CADM4: variants seen among roughly 807,000 people sequenced by gnomAD.
CADM4 encodes the protein TSLC1-like 2.
A neutral mutation model predicts 43.9 loss-of-function variants in CADM4; 13 were observed. The ratio of observed to expected loss-of-function variants is 0.30; its 90% CI spans 0.19 to 0.47. The LOEUF (loss-of-function observed/expected upper bound fraction) is 0.47. Ranked by LOEUF, CADM4 falls within the 20% of genes least tolerant of loss-of-function variation. The probability of loss-of-function intolerance (pLI) is 1.00; values close to 1 mark genes in which losing one functional copy is unlikely to be tolerated. For synonymous variants in CADM4, 209 were observed against 220.9 expected, an observed-to-expected ratio of 0.95 and a Z score of 0.48; for missense variants, 420 against 527.0, an observed-to-expected ratio of 0.80 and a Z score of 1.99.
intron 1 of CADM4, among the ~76,000 whole-genome samples, chr19:43,638,402 G>A (rs1251003141): frequency 6.6e-6 from 1 of 152,246 alleles, no homozygotes; most frequent in Non-Finnish European, 1.5e-5. Flanking sequence ...AGCCCAGGCC[G>A]CCAGCCCCAT....
At chr19:43,636,582 G>T (rs917916939) in intron 1 of CADM4, among the ~76,000 whole-genome samples, 2 of 152,102 alleles carry the variant, frequency 1.3e-5, no homozygotes, top group African/African-American at 4.8e-5. Flanking sequence ...ATGCTGGCGG[G>T]TCTGACTGTC....
chr19:43,635,400 C>G (rs1222296241), intron 1 of CADM4, among the ~76,000 whole-genome samples: 3 of 151,774 alleles, frequency 2.0e-5, no homozygotes, highest in Admixed American at 6.6e-5. Flanking sequence ...CTTGTGAAGG[C>G]GCCTGTATTC....
intron 1 of CADM4, among the ~76,000 whole-genome samples, chr19:43,639,340 G>A (rs1973741103): frequency 6.6e-6 from 1 of 151,050 alleles, no homozygotes; most frequent in Non-Finnish European, 1.5e-5. Flanking sequence ...CGAGACTGAG[G>A]GATAGAGGAC....
chr19:43,624,952 G>T, intron 7 of CADM4, 126 bp downstream of exon 7: 1 of 1,065,254 alleles, frequency 9.4e-7, no homozygotes, highest in Non-Finnish European at 1.3e-6. Flanking sequence ...GGGCCAGTCT[G>T]GTCCCAAAAC....
intron 1 of CADM4, among the ~76,000 whole-genome samples, chr19:43,638,560 AGT>A (rs1973731550): frequency 6.6e-6 from 1 of 152,216 alleles, no homozygotes; most frequent in Non-Finnish European, 1.5e-5. Flanking sequence ...AGACTTACAC[AGT>A]GTGAGAGTGT....
In CADM4 at chr19:43,639,824, C is replaced by G. The variant is rs775104099; in HGVS notation, c.-34G>C. 3,554 of 991,096 alleles carry G rather than the reference C, an allele frequency of 3.6e-3. 10 individuals are homozygous for G. The highest frequency in any genetic ancestry group is 4.0e-3 in the Non-Finnish European group (3,366 of 837,918). 61.4% of individuals were successfully genotyped at this position (991,096 alleles called of 1,614,324 possible). On this transcript the variant is annotated 5_prime_UTR_variant, in exon 1 of 9. Coordinates refer to ENST00000222374, the MANE Select transcript of CADM4 (RefSeq NM_145296.2). ...CGCCGCCGCCGCCGCCGCTCGCTCC[C>G]GGCCCGGCACCTGCACCGCCCGCGC... is the stretch of plus-strand genomic sequence containing the variant.
chr19:43,628,061 T>C (rs919738405), intron 1 of CADM4, among the ~76,000 whole-genome samples: 2 of 152,036 alleles, frequency 1.3e-5, no homozygotes, highest in Non-Finnish European at 2.9e-5. Context: ...AGGACTATTA[T>C]AGAATTGCCT....
intron 1 of CADM4, 85 bp downstream of exon 1, chr19:43,639,642 C>T: frequency 1.2e-6 from 1 of 829,400 alleles, no homozygotes; most frequent in Non-Finnish European, 1.5e-6. Flanking sequence ...ATTGTTCGGC[C>T]TCTGCGGCCC....
intron 1 of CADM4, among the ~76,000 whole-genome samples, chr19:43,635,322 C>T (rs1973685883): frequency 6.6e-6 from 1 of 151,988 alleles, no homozygotes; most frequent in Non-Finnish European, 1.5e-5. Context: ...CTGAACCCCC[C>T]TCAGCCCCCC....
Position 43,627,848 on chromosome 19 carries a change from T to G in CADM4, c.65-58A>C. 1 of 1,546,764 alleles carries G rather than the reference T, an allele frequency of 6.5e-7. No homozygotes were observed. The highest frequency in any genetic ancestry group is 8.8e-7 in the Non-Finnish European group (1 of 1,130,976). ...ACTTACTGAGAGCTGCAATTCAATT[T>G]TTTCTTTCTCCCTCTTCCCCATCCA... On this transcript the variant is annotated intron_variant, in intron 1 of 8. Transcript: ENST00000222374. The surrounding 1 kb of genome is among the most constrained non-coding windows in gnomAD (Gnocchi z 4.0).
Position 43,626,069 on chromosome 19 carries a change from G to C in CADM4, c.664+55C>G. On this transcript the variant is annotated intron_variant, in intron 5 of 8. Coordinates refer to ENST00000222374, the MANE Select transcript of CADM4 (RefSeq NM_145296.2). This position sits in a 1 kb window ranked among gnomAD's most constrained non-coding sequence, Gnocchi z 5.9. ...CACGCAGGACAAGGGGGACCCTCGC[G>C]GGTGCGGGTGGCTGGCGTTGGGATC... is the stretch of plus-strand genomic sequence containing the variant. The C allele has an allele frequency of 6.2e-7, 1 of 1,611,910 alleles. No individual in the cohort carries two copies. Among genetic ancestry groups the C allele is most frequent in the East Asian group, 2.2e-5 (1 of 44,788 alleles).
intron 7 of CADM4, chr19:43,624,705 T>A (rs1205695588): frequency 1.1e-5 from 3 of 280,360 alleles, no homozygotes; most frequent in African/African-American, 6.6e-5. Context: ...CTCCAAGTAT[T>A]TAAAGTGCTG....
rs142005399 is a variant in CADM4 at position 43,626,047 on chromosome 19, G to A, written c.665-46C>T. 178 of 1,613,062 alleles carry A rather than the reference G, an allele frequency of 1.1e-4. 1 individual carries two copies. The East Asian group carries it at 3.3e-3, about 30-fold the overall frequency. ...GAGAGAGTAGTTTCCAAGCCATCACGCAGGACAAGGGGGACCCTCGCGGGT... is the reference window on the plus strand; with the variant it reads ...GAGAGAGTAGTTTCCAAGCCATCACACAGGACAAGGGGGACCCTCGCGGGT... On this transcript the variant is annotated intron_variant, in intron 5 of 8. Coordinates refer to ENST00000222374, the MANE Select transcript of CADM4 (RefSeq NM_145296.2). The surrounding 1 kb of genome is among the most constrained non-coding windows in gnomAD (Gnocchi z 5.9).
chr19:43,624,475 G>C (rs538276478), intron 7 of CADM4, among the ~76,000 whole-genome samples: 3 of 152,192 alleles, frequency 2.0e-5, no homozygotes, highest in African/African-American at 7.2e-5. Flanking sequence ...TCTTTTTCTT[G>C]TTTTCTTTTG....
rs886801178 is a variant in CADM4, at chr19:43,627,372, C to G, written c.212-54G>C. On this transcript the variant is annotated intron_variant, in intron 2 of 8. Coordinates refer to ENST00000222374, the MANE Select transcript of CADM4 (RefSeq NM_145296.2). The surrounding 1 kb of genome is among the most constrained non-coding windows in gnomAD (Gnocchi z 4.0). The stretch of plus-strand genomic sequence containing the variant: ...TTTCGGGAGTCCTGGCCTCACAAGT[C>G]CCACCCTTCCGACAGGAGCTTAGAG... The G allele has an allele frequency of 5.9e-6, 9 of 1,514,998 alleles. No individual in the cohort carries two copies. The East Asian group carries it at 9.3e-5, about 16-fold the overall frequency. 93.8% of individuals were successfully genotyped at this position (1,514,998 alleles called of 1,614,324 possible).
In CADM4 at chr19:43,627,904, A is replaced by G. The variant is rs575903620; in HGVS notation, c.65-114T>C. 5 of 1,058,394 alleles carry G rather than the reference A, an allele frequency of 4.7e-6. No individual in the cohort carries two copies. The South Asian group carries it at 5.8e-5, about 12-fold the overall frequency. The allele number at this position is 1,058,394 out of a possible 1,614,324, so 65.6% of individuals were successfully genotyped here. A position where few individuals can be genotyped will look rare whatever the true frequency, so the allele number is the denominator to read the frequency against. On this transcript the variant is annotated intron_variant, in intron 1 of 8. Coordinates refer to ENST00000222374, the MANE Select transcript of CADM4 (RefSeq NM_145296.2). The surrounding 1 kb of genome is among the most constrained non-coding windows in gnomAD (Gnocchi z 4.0). ...CCAATCCCTCTCTTTCCCCTCATTC[A>G]TTCCATTGCACTGAACATTTCCTGC...
At position 43,627,363 on chromosome 19, in the gene CADM4, C is replaced by T; in HGVS notation, c.212-45G>A. The T allele has an allele frequency of 6.6e-7, 1 of 1,525,618 alleles. No individual in the cohort carries two copies. The highest frequency in any genetic ancestry group is 1.4e-5 in the African/African-American group (1 of 72,492). 94.5% of individuals were successfully genotyped at this position (1,525,618 alleles called of 1,614,324 possible). A position where few individuals can be genotyped will look rare whatever the true frequency, so the allele number is the denominator to read the frequency against. ...AGGTGTGAATTTCGGGAGTCCTGGC[C>T]TCACAAGTCCCACCCTTCCGACAGG... is the stretch of plus-strand genomic sequence containing the variant. On this transcript the variant is annotated intron_variant, in intron 2 of 8. Coordinates refer to ENST00000222374, the MANE Select transcript of CADM4 (RefSeq NM_145296.2). The surrounding 1 kb of genome is among the most constrained non-coding windows in gnomAD (Gnocchi z 4.0).
chr19:43,640,693 C>A (rs1397751600), upstream of CADM4, among the ~76,000 whole-genome samples: 1 of 151,984 alleles, frequency 6.6e-6, no homozygotes, highest in Non-Finnish European at 1.5e-5. Context: ...CCTGCCCCAG[C>A]CTCTCTCCCT....
Position 43,639,724 on chromosome 19 carries a change from T to G in CADM4, c.64+3A>C. On this transcript the variant is annotated splice_donor_region_variant and intron_variant, in intron 1 of 8. Transcript: ENST00000222374. ...GCCGGCCGACCCCGGCCCCCGACCC[T>G]ACCTGGCCCCGCCGCGGCCGCCCAC... The G allele has an allele frequency of 2.1e-6, 2 of 943,524 alleles. No homozygotes were observed. Among genetic ancestry groups the G allele is most frequent in the Non-Finnish European group, 1.3e-6 (1 of 791,524 alleles). The allele number at this position is 943,524 out of a possible 1,614,324, so 58.4% of individuals were successfully genotyped here. A position where few individuals can be genotyped will look rare whatever the true frequency, so the allele number is the denominator to read the frequency against.
Sources: gnomAD v4.1 joint callset for allele counts (sites outside exome capture counted in the v4.1 genomes callset) on GRCh38, gnomAD v4.1.1 for gene constraint, Gnocchi (gnomAD v3.1) non-coding constraint, MANE v1.5 for transcripts, NCBI Gene and HGNC (gene_info 2026-07-23, HGNC 2026-07-21) for gene names.